Variants in GALNT13 observed in about 807,000 individuals in gnomAD.
The protein encoded by GALNT13 is polypeptide N-acetylgalactosaminyltransferase 13, also known as UDP-GalNAc:polypeptide N-acetylgalactosaminyltransferase 13.
Under a neutral mutation model 64.2 loss-of-function variants are expected in GALNT13, and 28 were observed. The ratio of observed to expected loss-of-function variants is 0.44; its 90% confidence interval spans 0.32 to 0.60. The LOEUF is 0.60. GALNT13 is among the 20% of genes least tolerant of loss of function. The probability of loss-of-function intolerance (pLI) is 0.05; values close to 1 mark genes in which losing one functional copy is unlikely to be tolerated. For synonymous variants in GALNT13, 214 were observed against 224.6 expected (o/e 0.95, Z 0.42); for missense variants, 577 against 669.8 (o/e 0.86, Z 1.53).
chr2:153,712,751 C>T, the GALNT13 span, among the ~76,000 whole-genome samples: 1 of 152,164 alleles, frequency 6.6e-6, no homozygotes, highest in Admixed American at 6.5e-5. Flanking sequence ...GTCTTTCAAG[C>T]CATGGCCATC....
the GALNT13 span, among the ~76,000 whole-genome samples, chr2:153,137,722 CAAA>C: frequency 1.9e-5 from 2 of 105,542 alleles, no homozygotes; most frequent in African/African-American, 3.3e-5. Flanking sequence ...GATGGAGCCT[CAAA>C]AAAAAAAAAA....
the GALNT13 span, among the ~76,000 whole-genome samples, chr2:153,532,584 C>A: frequency 6.6e-6 from 1 of 152,304 alleles, no homozygotes; most frequent in South Asian, 2.1e-4. Flanking sequence ...TGAAAATGGG[C>A]TTTTCTTTTC....
the GALNT13 span, among the ~76,000 whole-genome samples, chr2:153,245,865 A>G: frequency 6.6e-6 from 1 of 152,126 alleles, no homozygotes; most frequent in Non-Finnish European, 1.5e-5. Flanking sequence ...CTAAAGGAGC[A>G]TGTTCTAACC....
At chr2:153,177,460 G>A in the GALNT13 span, among the ~76,000 whole-genome samples, 1 of 152,072 alleles carries the variant, frequency 6.6e-6, no homozygotes, top group Admixed American at 6.6e-5. Flanking sequence ...GTAACTGCAT[G>A]AAAACTACAC....
the GALNT13 span, among the ~76,000 whole-genome samples, chr2:153,345,722 C>CG: frequency 0.083 from 4,462 of 53,532 alleles, 253 homozygotes; most frequent in Middle Eastern, 0.12. Context: ...TCTTTCTGTC[C>CG]TTCCTTCCTT....
the GALNT13 span, among the ~76,000 whole-genome samples, chr2:153,207,676 T>C: frequency 6.6e-6 from 1 of 152,190 alleles, no homozygotes; most frequent in African/African-American, 2.4e-5. Flanking sequence ...GGTTTACAAG[T>C]ATCCCTCCGT....
At chr2:153,466,752 T>C in the GALNT13 span, among the ~76,000 whole-genome samples, 1 of 152,094 alleles carries the variant, frequency 6.6e-6, no homozygotes, top group Non-Finnish European at 1.5e-5. Flanking sequence ...TAGACTCAAA[T>C]ACAGGACCTT....
At chr2:153,613,513 T>G in the GALNT13 span, among the ~76,000 whole-genome samples, 1 of 152,150 alleles carries the variant, frequency 6.6e-6, no homozygotes, top group Non-Finnish European at 1.5e-5. Context: ...GAGTTTCCCC[T>G]TGAATAATAA....
chr2:154,426,994 AAAG>A (rs1700498526), intron 11 of GALNT13, among the ~76,000 whole-genome samples: 1 of 152,322 alleles, frequency 6.6e-6, no homozygotes, highest in East Asian at 1.9e-4. Flanking sequence ...GATTTTTTTA[AAAG>A]AATATAAAAA....
At chr2:154,309,843 G>A (rs1034137177) in intron 9 of GALNT13, among the ~76,000 whole-genome samples, 12 of 152,158 alleles carry the variant, frequency 7.9e-5, no homozygotes, top group African/African-American at 2.9e-4. Context: ...ATTATCACTG[G>A]TCTCTTATTT....
At chr2:154,007,246 G>A (rs1696317829) in intron 3 of GALNT13, among the ~76,000 whole-genome samples, 1 of 152,026 alleles carries the variant, frequency 6.6e-6, no homozygotes, top group Non-Finnish European at 1.5e-5. Context: ...AAGAAAACAG[G>A]GACTTCATTC....
chr2:154,265,387 A>G (rs1690934888), intron 8 of GALNT13, among the ~76,000 whole-genome samples: 1 of 152,124 alleles, frequency 6.6e-6, no homozygotes, highest in Non-Finnish European at 1.5e-5. Flanking sequence ...AACTCTACCA[A>G]ATGTTTTGGG....
intron 9 of GALNT13, among the ~76,000 whole-genome samples, chr2:154,333,585 T>C (rs578148976): frequency 6.6e-6 from 1 of 152,238 alleles, no homozygotes; most frequent in South Asian, 2.1e-4. Flanking sequence ...GTGTAAAACA[T>C]TTTCAATGAC....
chr2:154,449,661 T>C (rs1462369664), intron 12 of GALNT13, among the ~76,000 whole-genome samples: 5 of 151,834 alleles, frequency 3.3e-5, no homozygotes, highest in African/African-American at 1.2e-4. Context: ...AAAATGTATA[T>C]CTGAAAAGTC....
chr2:153,229,077 C>T, the GALNT13 span, among the ~76,000 whole-genome samples: 1 of 152,088 alleles, frequency 6.6e-6, no homozygotes, highest in African/African-American at 2.4e-5. Flanking sequence ...GGCTCTGGTT[C>T]TGCTCTTGCT....
At chr2:153,186,079 T>C in the GALNT13 span, among the ~76,000 whole-genome samples, 1 of 152,122 alleles carries the variant, frequency 6.6e-6, no homozygotes. Context: ...CCTACTATTA[T>C]TGTGTGGGAG....
chr2:154,429,870 G>A (rs1285979615), intron 11 of GALNT13, among the ~76,000 whole-genome samples: 1 of 152,112 alleles, frequency 6.6e-6, no homozygotes, highest in Non-Finnish European at 1.5e-5. Flanking sequence ...TAACAATTAT[G>A]CTGAATCTAC....
intron 1 of GALNT13, among the ~76,000 whole-genome samples, chr2:153,872,625 G>GGGC (rs1553448924): frequency 2.0e-5 from 2 of 99,946 alleles, no homozygotes; most frequent in East Asian, 6.5e-4. Flanking sequence ...GTGGCGGGGG[G>GGGC]GGGGGGGGGA....
chr2:154,404,526 A>G (rs1699439161), intron 10 of GALNT13, among the ~76,000 whole-genome samples: 1 of 152,204 alleles, frequency 6.6e-6, no homozygotes, highest in Non-Finnish European at 1.5e-5. Context: ...TTTGATGGAA[A>G]TGAGGTCAGG....
Sources: allele counts gnomAD v4.1 joint callset (sites outside exome capture counted in the v4.1 genomes callset), GRCh38; gene constraint gnomAD v4.1.1; transcripts MANE v1.5; gene names NCBI Gene and HGNC (gene_info 2026-07-23, HGNC 2026-07-21).